Variants in PIP5K1A observed in about 807,000 individuals in gnomAD.
PIP5K1A encodes the protein phosphatidylinositol 4-phosphate 5-kinase type-1 alpha.
In PIP5K1A, 46 loss-of-function variants were observed where a neutral mutation model predicts 72.9. The ratio of observed to expected loss-of-function variants is 0.63; its 90% CI spans 0.50 to 0.81. The LOEUF (loss-of-function observed/expected upper bound fraction) is 0.81. Among genes scored for constraint, PIP5K1A ranks in the 30% least tolerant of loss-of-function variants. The pLI is 0.00. For synonymous variants in PIP5K1A, 228 were observed against 255.1 expected, an observed-to-expected ratio of 0.89 and a Z score of 1.01; for missense variants, 458 against 706.1, an observed-to-expected ratio of 0.65 and a Z score of 3.98.
At chr1:151,226,802 G>C (rs965849029) in intron 3 of PIP5K1A, among the ~76,000 whole-genome samples, 1 of 152,018 alleles carries the variant, frequency 6.6e-6, no homozygotes, top group East Asian at 1.9e-4. Context: ...TGAGGCAGGT[G>C]GATCACTTGA....
intron 10 of PIP5K1A, 37 bp downstream of exon 10, chr1:151,238,302 G>A (rs1028298939): frequency 5.3e-6 from 7 of 1,328,862 alleles, no homozygotes; most frequent in South Asian, 3.5e-5. Context: ...AGAGAGGGTG[G>A]ATACAGATAA....
intron 12 of PIP5K1A, 113 bp from the exon 13 acceptor site, chr1:151,242,010 T>A: frequency 9.3e-7 from 1 of 1,074,010 alleles, no homozygotes; most frequent in Non-Finnish European, 1.4e-6. Context: ...GCCTTTTCAC[T>A]TTTCAGACCA....
In PIP5K1A at chr1:151,219,396, A is replaced by G. The variant is rs587765104; in HGVS notation, c.86-4849A>G. 5.3e-5 allele frequency among the ~76,000 whole-genome samples: 8 copies of G among 150,202 alleles called. No individual in the cohort carries two copies. The South Asian group carries it at 1.3e-3, about 24-fold the overall frequency. On this transcript the variant is annotated intron_variant, in intron 1 of 15. Transcript: ENST00000368888. ...ACTCTCGTCTCAAAAAAAAAAAAAA[A>G]AAAGAAGAGGGCTGGCCCGGTGGCT...
At chr1:151,228,832 G>T (rs1471546614) in intron 4 of PIP5K1A, among the ~76,000 whole-genome samples, 1 of 152,074 alleles carries the variant, frequency 6.6e-6, no homozygotes. Context: ...GGACCTGACA[G>T]TCCCCAGAAT....
rs1690260168 is a variant in PIP5K1A at position 151,232,602 on chromosome 1, G to A, written c.538G>A (p.Gly180Ser). 3 of 1,610,194 alleles carry A rather than the reference G, an allele frequency of 1.9e-6. No homozygotes were observed. Among genetic ancestry groups the A allele is most frequent in the African/African-American group, 2.7e-5 (2 of 74,612 alleles). ...LIELCSSGASGSLFYVSSDDE... is the reference protein window; with the variant it reads ...LIELCSSGASSSLFYVSSDDE... ...TGAACTCTGTAGCTCTGGAGCTAGT[G>A]GTTCCCTATTCTATGTGTCCAGCGA... Residue 180 changes from glycine (G) to serine (S), a missense_variant, in exon 7 of 16, where the codon GGT (glycine) becomes AGT (serine). Physicochemically the swap from Gly to Ser is moderately conservative, Grantham distance 56. Coordinates refer to ENST00000368888, the MANE Select transcript of PIP5K1A (RefSeq NM_001135638.2).
At chr1:151,230,844 C>T (rs1689942413) in intron 4 of PIP5K1A, among the ~76,000 whole-genome samples, 1 of 152,242 alleles carries the variant, frequency 6.6e-6, no homozygotes, top group Non-Finnish European at 1.5e-5. Flanking sequence ...GCGCCCACCC[C>T]ACCCTGTTGG....
chr1:151,228,039 T>C (rs1010719851), intron 4 of PIP5K1A, among the ~76,000 whole-genome samples: 2 of 152,234 alleles, frequency 1.3e-5, no homozygotes, highest in Non-Finnish European at 2.9e-5. Flanking sequence ...TCGCAGTCTT[T>C]CTGTCTTTTT....
At chr1:151,208,719 CTTTTTTTTTTT>C (rs61545057) in intron 1 of PIP5K1A, among the ~76,000 whole-genome samples, 17 of 43,160 alleles carry the variant, frequency 3.9e-4, no homozygotes, top group East Asian at 7.7e-4. Flanking sequence ...TAATGGTACG[CTTTTTTTTTTT>C]TTTTTTTTTT....
At chr1:151,246,148 G>A (rs1469310630) in intron 14 of PIP5K1A, among the ~76,000 whole-genome samples, 1 of 152,052 alleles carries the variant, frequency 6.6e-6, no homozygotes, top group Non-Finnish European at 1.5e-5. Flanking sequence ...TCAGGAGGCC[G>A]AGGCGAGAGA....
chr1:151,203,499 A>C (rs1201022885), intron 1 of PIP5K1A, among the ~76,000 whole-genome samples: 2 of 149,788 alleles, frequency 1.3e-5, no homozygotes, highest in Non-Finnish European at 1.5e-5. Flanking sequence ...ATTGCATTCC[A>C]GCCTGGGGGA....
At position 151,232,380 on chromosome 1, in the gene PIP5K1A, A is replaced by G. The variant is rs746726060; in HGVS notation, c.486+15A>G. On this transcript the variant is annotated intron_variant, in intron 6 of 15. Coordinates refer to ENST00000368888, the MANE Select transcript of PIP5K1A (RefSeq NM_001135638.2). Reference sequence around the variant, plus strand: ...ATGATTACTTGGTAAGCATCTGGATATCAGGACACTGTGACTCCAGTATCA... The same window carrying G: ...ATGATTACTTGGTAAGCATCTGGATGTCAGGACACTGTGACTCCAGTATCA... 4 of 1,572,648 alleles carry G rather than the reference A, an allele frequency of 2.5e-6. No individual in the cohort carries two copies. The South Asian group carries it at 4.4e-5, about 17-fold the overall frequency.
At chr1:151,200,316 G>C (rs960826941) in intron 1 of PIP5K1A, among the ~76,000 whole-genome samples, 2 of 149,560 alleles carry the variant, frequency 1.3e-5, no homozygotes, top group Admixed American at 6.9e-5. Flanking sequence ...AGAGCTCAGC[G>C]TATTAATAGT....
At chr1:151,230,075 G>A (rs1023414853) in intron 4 of PIP5K1A, among the ~76,000 whole-genome samples, 5 of 152,098 alleles carry the variant, frequency 3.3e-5, no homozygotes, top group African/African-American at 1.2e-4. Context: ...GCGACAGAGC[G>A]AGACTCCGTC....
At chr1:151,235,270 A>G (rs915224353) in intron 8 of PIP5K1A, among the ~76,000 whole-genome samples, 5 of 151,898 alleles carry the variant, frequency 3.3e-5, no homozygotes, top group Non-Finnish European at 7.4e-5. Flanking sequence ...TTTAGTAGTG[A>G]CAGGGTTTCA....
intron 1 of PIP5K1A, among the ~76,000 whole-genome samples, chr1:151,221,780 T>A (rs1389455341): frequency 6.6e-6 from 1 of 152,222 alleles, no homozygotes; most frequent in Non-Finnish European, 1.5e-5. Context: ...TTAAAAATTG[T>A]CTGGCTAACA....
At chr1:151,227,211 A>T in intron 3 of PIP5K1A, 109 bp from the exon 4 acceptor site, 1 of 664,746 alleles carries the variant, frequency 1.5e-6, no homozygotes, top group Non-Finnish European at 2.7e-6. Context: ...AAATGTTTTT[A>T]ATCTAGAAAG....
intron 12 of PIP5K1A, 99 bp downstream of exon 12, chr1:151,240,138 G>T: frequency 6.2e-6 from 5 of 804,300 alleles, no homozygotes; most frequent in Non-Finnish European, 1.1e-5. Flanking sequence ...AGCTGCCAAT[G>T]CCAGAGGCCT....
At chr1:151,231,604 T>G (rs1690083582) in intron 4 of PIP5K1A, 67 bp from the exon 5 acceptor site, 1 of 1,413,138 alleles carries the variant, frequency 7.1e-7, no homozygotes, top group African/African-American at 1.4e-5. Flanking sequence ...GCTTCCCCTT[T>G]CTGAATTTTT....
chr1:151,247,970 A>G lies in PIP5K1A; in HGVS notation c.*105A>G. On this transcript the variant is annotated 3_prime_UTR_variant, in exon 16 of 16. Coordinates refer to ENST00000368888, the MANE Select transcript of PIP5K1A (RefSeq NM_001135638.2). ...TGAATTTTCTTCTACTTGGTCATCA[A>G]AAAAGGAGTGTAATAGAAGTGAGGG... 1 of 1,003,972 alleles carries G rather than the reference A, an allele frequency of 1.0e-6. No individual in the cohort carries two copies. The highest frequency in any genetic ancestry group is 1.6e-6 in the Non-Finnish European group (1 of 628,422). 62.2% of individuals were successfully genotyped at this position (1,003,972 alleles called of 1,614,324 possible).
Sources: allele counts gnomAD v4.1 joint callset (sites outside exome capture counted in the v4.1 genomes callset), GRCh38; gene constraint gnomAD v4.1.1; transcripts MANE v1.5; gene names NCBI Gene and HGNC (gene_info 2026-07-23, HGNC 2026-07-21).